The following SUGCT variants were observed in gnomAD, a reference collection of about 807,000 sequenced individuals.
SUGCT encodes the protein succinyl-CoA:glutarate CoA-transferase.
Under a neutral mutation model 55.0 loss-of-function variants are expected in SUGCT, and 41 were observed. The ratio of observed to expected loss-of-function variants is 0.74; its 90% CI spans 0.58 to 0.97. SUGCT has a LOEUF of 0.97. Ranked by LOEUF, SUGCT falls within the 50% of genes least tolerant of loss-of-function variation. SUGCT has a pLI of 0.00. For synonymous variants in SUGCT, 187 were observed against 200.4 expected, an observed-to-expected ratio of 0.93 and a Z score of 0.56; for missense variants, 568 against 547.8, an observed-to-expected ratio of 1.04 and a Z score of -0.37.
In SUGCT at chr7:40,185,778, C is replaced by T. The variant is rs1022825622; in HGVS notation, c.227-2717C>T. On this transcript the variant is annotated intron_variant, in intron 3 of 13. Transcript: ENST00000335693. ...CCTCAGGTGATCCACACACCTCGGC[C>T]TCCCAAAGTGCTGGGATTACAGGGG... Among the ~76,000 whole-genome samples the T allele has an allele frequency of 3.3e-5, 5 of 152,300 alleles. No homozygotes were observed. The South Asian group carries it at 1.0e-3, about 32-fold the overall frequency.
chr7:40,909,679 T>TA, the SUGCT span, among the ~76,000 whole-genome samples: 5 of 152,304 alleles, frequency 3.3e-5, no homozygotes, highest in Admixed American at 3.3e-4. Context: ...TATTACCTGT[T>TA]TCCAGATATT....
At chr7:40,203,752 G>T (rs1308299641) in intron 6 of SUGCT, among the ~76,000 whole-genome samples, 2 of 150,844 alleles carry the variant, frequency 1.3e-5, no homozygotes. Flanking sequence ...TCCAGCCTGG[G>T]CATCAGAGTG....
At chr7:40,627,543 G>A (rs1178806722) in intron 12 of SUGCT, among the ~76,000 whole-genome samples, 1 of 152,142 alleles carries the variant, frequency 6.6e-6, no homozygotes, top group African/African-American at 2.4e-5. Context: ...TGCAAACAAA[G>A]ACTTGGCCCA....
chr7:41,026,248 C>T, the SUGCT span, among the ~76,000 whole-genome samples: 5 of 152,306 alleles, frequency 3.3e-5, no homozygotes, highest in East Asian at 1.9e-4. Flanking sequence ...TGGCAACCAC[C>T]GAATGGTGAT....
At chr7:40,270,244 C>A (rs1461524395) in intron 7 of SUGCT, among the ~76,000 whole-genome samples, 5 of 151,026 alleles carry the variant, frequency 3.3e-5, no homozygotes, top group African/African-American at 1.2e-4. Context: ...TTGATGGTGT[C>A]CTTTGAAACA....
Position 40,307,456 on chromosome 7 carries a change from G to T in SUGCT, c.721-9304G>T, listed in dbSNP as rs548677847. Among the ~76,000 whole-genome samples, 60 of 152,234 alleles carry T rather than the reference G, an allele frequency of 3.9e-4. 1 individual carries two copies. The highest frequency in any genetic ancestry group is 3.9e-3 in the Admixed American group (59 of 15,284). ...GTAGTCTGATTCTGTATCTAGTGTA[G>T]AATGCCAGAAACCAGGCTAGGTGAG... On this transcript the variant is annotated intron_variant, in intron 8 of 13. Coordinates refer to ENST00000335693, the MANE Select transcript of SUGCT (RefSeq NM_001193313.2).
intron 8 of SUGCT, among the ~76,000 whole-genome samples, chr7:40,299,264 G>T (rs1362611169): frequency 6.6e-6 from 1 of 152,150 alleles, no homozygotes; most frequent in African/African-American, 2.4e-5. Flanking sequence ...GATGGATATG[G>T]ACTAAAGAGC....
intron 9 of SUGCT, among the ~76,000 whole-genome samples, chr7:40,421,717 T>A (rs76213932): frequency 0.016 from 2,506 of 152,218 alleles, 52 homozygotes; most frequent in African/African-American, 0.051. Flanking sequence ...CATGACTGCT[T>A]ACCAGTGGGA....
intron 12 of SUGCT, among the ~76,000 whole-genome samples, chr7:40,587,043 A>C (rs1797416891): frequency 6.6e-6 from 1 of 152,226 alleles, no homozygotes; most frequent in Admixed American, 6.5e-5. Flanking sequence ...AGAGGTGAAG[A>C]GCTATATACT....
intron 9 of SUGCT, among the ~76,000 whole-genome samples, chr7:40,348,453 C>G (rs1227140927): frequency 6.6e-6 from 1 of 152,112 alleles, no homozygotes; most frequent in African/African-American, 2.4e-5. Flanking sequence ...CCAGTCCTTC[C>G]TAGGGTCAGA....
the SUGCT span, among the ~76,000 whole-genome samples, chr7:40,867,862 C>G: frequency 3.3e-5 from 5 of 152,154 alleles, no homozygotes; most frequent in African/African-American, 1.2e-4. Context: ...GCTATCATTA[C>G]CTGGTTACTG....
intron 1 of SUGCT, among the ~76,000 whole-genome samples, chr7:40,137,159 ACT>A (rs1257264898): frequency 6.6e-6 from 1 of 151,934 alleles, no homozygotes; most frequent in Non-Finnish European, 1.5e-5. Flanking sequence ...GGGTGGTCTC[ACT>A]CTGTCACCGA....
chr7:40,426,322 A>G (rs535124490), intron 9 of SUGCT, among the ~76,000 whole-genome samples: 1 of 152,168 alleles, frequency 6.6e-6, no homozygotes, highest in Non-Finnish European at 1.5e-5. Context: ...GATTTATGGT[A>G]TATGCGTGTC....
At chr7:40,508,497 T>C (rs867629965) in intron 12 of SUGCT, among the ~76,000 whole-genome samples, 4 of 152,298 alleles carry the variant, frequency 2.6e-5, no homozygotes, top group African/African-American at 7.2e-5. Flanking sequence ...CCTCCTTATC[T>C]TGGCTGCACC....
At chr7:40,959,546 T>C in the SUGCT span, among the ~76,000 whole-genome samples, 1 of 152,146 alleles carries the variant, frequency 6.6e-6, no homozygotes, top group South Asian at 2.1e-4. Flanking sequence ...CCAAGTCGAC[T>C]TCAGACTGCT....
At chr7:40,309,786 C>CAACGATGTGTGGTGTGTG (rs1562667431) in intron 8 of SUGCT, among the ~76,000 whole-genome samples, 1 of 58,362 alleles carries the variant, frequency 1.7e-5, no homozygotes, top group Admixed American at 1.8e-4. Flanking sequence ...AAAGCCCACA[C>CAACGATGTGTGGTGTGTG]AGCGAGAGGG....
At chr7:40,371,978 A>G (rs570345911) in intron 9 of SUGCT, among the ~76,000 whole-genome samples, 35 of 151,944 alleles carry the variant, frequency 2.3e-4, no homozygotes, top group Non-Finnish European at 5.0e-4. Context: ...ACACATCTGT[A>G]TAAAAATAGT....
At chr7:40,234,441 G>A (rs1053070232) in intron 6 of SUGCT, among the ~76,000 whole-genome samples, 9 of 152,066 alleles carry the variant, frequency 5.9e-5, no homozygotes, top group Admixed American at 3.3e-4. Flanking sequence ...AAAACTTGGC[G>A]TTATTTCTGC....
intron 9 of SUGCT, among the ~76,000 whole-genome samples, chr7:40,323,747 T>TC (rs1422349929): frequency 6.6e-6 from 1 of 152,160 alleles, no homozygotes; most frequent in Non-Finnish European, 1.5e-5. Context: ...ACTGGCAAAA[T>TC]CCCAGTGCGG....
Sources: gnomAD v4.1 joint callset for allele counts (sites outside exome capture counted in the v4.1 genomes callset) on GRCh38, gnomAD v4.1.1 for gene constraint, MANE v1.5 for transcripts, NCBI Gene and HGNC (gene_info 2026-07-23, HGNC 2026-07-21) for gene names.